TXNRD1: variants seen among roughly 807,000 people sequenced by gnomAD.
The protein encoded by TXNRD1 is thioredoxin reductase 1, cytoplasmic.
A neutral mutation model predicts 80.3 loss-of-function variants in TXNRD1; 57 were observed. The ratio of observed to expected loss-of-function variants is 0.71; its 90% confidence interval spans 0.57 to 0.89. TXNRD1 has a LOEUF of 0.89. Ranked by LOEUF, TXNRD1 falls within the 40% of genes least tolerant of loss-of-function variation. TXNRD1 has a pLI of 0.00. For missense variants in TXNRD1, 730 were observed against 803.0 expected (o/e 0.91, Z 1.10); for synonymous variants, 291 against 285.2 (o/e 1.02, Z -0.20).
chr12:104,329,725 C>T (rs984845827), intron 13 of TXNRD1, among the ~76,000 whole-genome samples: 6 of 152,132 alleles, frequency 3.9e-5, no homozygotes, highest in East Asian at 3.8e-4. Context: ...CTGTCTCAGC[C>T]GTAATCTAGG....
At chr12:104,265,758 C>T in intron 3 of TXNRD1, 6 of 1,593,228 alleles carry the variant, frequency 3.8e-6, no homozygotes, top group Non-Finnish European at 5.1e-6. Flanking sequence ...ACTCCAAGAT[C>T]AAGTTCCCGC....
chr12:104,329,906 G>A (rs963515057), intron 13 of TXNRD1, among the ~76,000 whole-genome samples: 3 of 152,170 alleles, frequency 2.0e-5, no homozygotes, highest in African/African-American at 7.2e-5. Flanking sequence ...GTAAGCTGGA[G>A]CAGTCACAGG....
At chr12:104,235,460 A>G (rs1459838096) in intron 1 of TXNRD1, among the ~76,000 whole-genome samples, 1 of 152,216 alleles carries the variant, frequency 6.6e-6, no homozygotes, top group Non-Finnish European at 1.5e-5. Context: ...CCTTTAAAGA[A>G]GAACTCACTG....
chr12:104,301,790 T>C (rs1363125886), intron 4 of TXNRD1, among the ~76,000 whole-genome samples: 1 of 152,238 alleles, frequency 6.6e-6, no homozygotes, highest in African/African-American at 2.4e-5. Context: ...TTGGCCAGAC[T>C]AGGGACAGAT....
At chr12:104,256,037 T>C (rs1041494636) in intron 2 of TXNRD1, among the ~76,000 whole-genome samples, 6 of 152,240 alleles carry the variant, frequency 3.9e-5, no homozygotes, top group Non-Finnish European at 7.3e-5. Flanking sequence ...ACTCATATAC[T>C]TAGCTGTTCA....
intron 4 of TXNRD1, among the ~76,000 whole-genome samples, chr12:104,292,254 A>G (rs1412368788): frequency 6.6e-6 from 1 of 152,142 alleles, no homozygotes; most frequent in Non-Finnish European, 1.5e-5. Flanking sequence ...TTTGCAGAAG[A>G]GTGTTCCAAA....
chr12:104,272,843 T>C (rs1418533971), intron 3 of TXNRD1, among the ~76,000 whole-genome samples: 1 of 150,396 alleles, frequency 6.6e-6, no homozygotes, highest in African/African-American at 2.4e-5. Context: ...TTGAACATAC[T>C]GACATATTGA....
rs543769590 is a variant in TXNRD1, at chr12:104,240,276, TTTCTC to T, written c.92-11248_92-11244del. Among the ~76,000 whole-genome samples the T allele has an allele frequency of 3.7e-4, 57 of 152,282 alleles. 1 individual carries two copies. The highest frequency in any genetic ancestry group is 1.3e-3 in the African/African-American group (55 of 41,526). On this transcript the variant is annotated intron_variant, in intron 1 of 16. Transcript: ENST00000525566. Reference sequence around the variant, plus strand: ...TCTAAGTACCATTGTTTTCTGCAGTTTTCTCTTAAACCTTGGGGTTAAAAGAAATC... The same window carrying T: ...TCTAAGTACCATTGTTTTCTGCAGTTTTAAACCTTGGGGTTAAAAGAAATC...
At chr12:104,295,724 T>A (rs1177261706) in intron 4 of TXNRD1, among the ~76,000 whole-genome samples, 1 of 152,200 alleles carries the variant, frequency 6.6e-6, no homozygotes, top group African/African-American at 2.4e-5. Flanking sequence ...AAGTTTTCCA[T>A]TCCTTTCCTC....
intron 16 of TXNRD1, among the ~76,000 whole-genome samples, chr12:104,347,157 G>A (rs2036520059): frequency 1.3e-5 from 2 of 151,396 alleles, no homozygotes; most frequent in South Asian, 4.2e-4. Flanking sequence ...TAACAATGAT[G>A]AGCCTCTTTC....
intron 1 of TXNRD1, among the ~76,000 whole-genome samples, chr12:104,235,884 G>A (rs1207544806): frequency 6.6e-6 from 1 of 152,154 alleles, no homozygotes; most frequent in Non-Finnish European, 1.5e-5. Flanking sequence ...TACAATGGTG[G>A]CTGTCTTCTT....
At chr12:104,234,798 T>C (rs1565855606) in intron 1 of TXNRD1, among the ~76,000 whole-genome samples, 2 of 151,734 alleles carry the variant, frequency 1.3e-5, no homozygotes, top group Admixed American at 6.6e-5. Flanking sequence ...ATATCTCCTA[T>C]AGTAGGCCAG....
intron 1 of TXNRD1, among the ~76,000 whole-genome samples, chr12:104,232,511 C>T (rs892684421): frequency 5.9e-5 from 9 of 151,762 alleles, no homozygotes; most frequent in South Asian, 2.1e-4. Flanking sequence ...TGCAGTGAGC[C>T]GATGGAGCCA....
chr12:104,348,446 A>G lies in TXNRD1; in HGVS notation c.*25A>G, dbSNP rs1270818474. The G allele has an allele frequency of 6.8e-6, 11 of 1,612,826 alleles. No individual in the cohort carries two copies. The highest frequency in any genetic ancestry group is 9.3e-6 in the Non-Finnish European group (11 of 1,178,958). ...AGCCCCAGTGTGGATGCTGTTGCCAAGACTGCAAACCACTGGCTCGTTTCC... is the reference window on the plus strand; with the variant it reads ...AGCCCCAGTGTGGATGCTGTTGCCAGGACTGCAAACCACTGGCTCGTTTCC... On this transcript the variant is annotated 3_prime_UTR_variant, in exon 17 of 17. Coordinates refer to ENST00000525566, the MANE Select transcript of TXNRD1 (RefSeq NM_001093771.3).
At chr12:104,294,236 C>CCCCG in intron 4 of TXNRD1, among the ~76,000 whole-genome samples, 1 of 67,910 alleles carries the variant, frequency 1.5e-5, no homozygotes, top group Non-Finnish European at 3.3e-5. Flanking sequence ...GGGAAAGGCC[C>CCCCG]CCCCCCCCGC....
chr12:104,299,759 C>T (rs1038569601), intron 4 of TXNRD1, among the ~76,000 whole-genome samples: 8 of 136,124 alleles, frequency 5.9e-5, no homozygotes, highest in African/African-American at 2.2e-4. Flanking sequence ...AAGAACAAGA[C>T]TCCGTCTCAA....
chr12:104,331,224 G>T (rs1365157459), intron 13 of TXNRD1, among the ~76,000 whole-genome samples: 1 of 151,864 alleles, frequency 6.6e-6, no homozygotes, highest in African/African-American at 2.4e-5. Flanking sequence ...TATTATTTTT[G>T]GCTGCTTTAT....
At position 104,331,708 on chromosome 12, in the gene TXNRD1, A is replaced by G; in HGVS notation, c.1650+67A>G. 4.8e-6 allele frequency: 5 copies of G among 1,043,382 alleles called. No homozygotes were observed. The South Asian group carries it at 5.8e-5, about 12-fold the overall frequency. The allele number at this position is 1,043,382 out of a possible 1,614,324, so 64.6% of individuals were successfully genotyped here. ...TTTTTTTCTTCAGAATTTAAAATAT[A>G]TAGAAGACTTAAAAAATAGTACAAA... On this transcript the variant is annotated intron_variant, in intron 14 of 16. Transcript: ENST00000525566.
chr12:104,309,764 T>C (rs2035059515), intron 4 of TXNRD1: 2 of 1,527,578 alleles, frequency 1.3e-6, no homozygotes, highest in Non-Finnish European at 1.8e-6. Flanking sequence ...CACAGTGCTT[T>C]GTATTGAAGG....
Sources: allele counts gnomAD v4.1 joint callset (sites outside exome capture counted in the v4.1 genomes callset), GRCh38; gene constraint gnomAD v4.1.1; transcripts MANE v1.5; gene names NCBI Gene and HGNC (gene_info 2026-07-23, HGNC 2026-07-21).